The following DGKQ variants were observed in gnomAD, a reference collection of about 807,000 sequenced individuals.
DGKQ encodes diacylglycerol kinase theta.
DGKQ carries 97 observed loss-of-function variants against 104.2 expected under a neutral mutation model. The observed-to-expected ratio is 0.93, with a 90% CI of 0.79 to 1.10. DGKQ has a LOEUF of 1.10. DGKQ is among the 50% of genes least tolerant of loss of function. The probability of loss-of-function intolerance (pLI) is 0.00; values close to 1 mark genes in which losing one functional copy is unlikely to be tolerated. For missense variants in DGKQ, 1,465 were observed against 1,352.1 expected (o/e 1.08, Z -1.31); for synonymous variants, 736 against 595.2 (o/e 1.24, Z -3.44).
chr4:962,080 G>A lies in DGKQ; in HGVS notation c.2217C>T (p.Ile739=), dbSNP rs759345186. The A allele has an allele frequency of 2.0e-5, 33 of 1,610,762 alleles. No individual in the cohort carries two copies. Among genetic ancestry groups the A allele is most frequent in the South Asian group, 1.8e-4 (16 of 91,082 alleles). The change falls in exon 19 of 23, where the codon ATC becomes ATT. Residue 739 remains isoleucine (I), a splice_region_variant and synonymous_variant. Coordinates refer to ENST00000273814, the MANE Select transcript of DGKQ (RefSeq NM_001347.4). Reference sequence around the variant, plus strand: ...TGCCACAGTAGTTACTCATCTGCACGATCTGGGGACAGGGCGTTCATCTCC... The same window carrying A: ...TGCCACAGTAGTTACTCATCTGCACAATCTGGGGACAGGGCGTTCATCTCC... The part of the protein sequence containing the change: ...NDTADAEPPK[I]VQMSNYCGIG...
At chr4:960,811 G>A (rs1711831499) in intron 22 of DGKQ, 90 bp from the exon 23 acceptor site, 1 of 1,540,582 alleles carries the variant, frequency 6.5e-7, no homozygotes, top group Non-Finnish European at 8.8e-7. Context: ...GCCCCGGGCA[G>A]CTGATGCCAT....
At chr4:965,087 T>C (rs925090460) in intron 15 of DGKQ, 89 bp downstream of exon 15, 7 of 973,182 alleles carry the variant, frequency 7.2e-6, no homozygotes, top group Non-Finnish European at 1.1e-5. Context: ...ACAGCGAGTC[T>C]GGCTGTGGGG....
In DGKQ at chr4:966,790, CG is replaced by C. The variant is rs1560515798; in HGVS notation, c.1323del (p.Glu442ArgfsTer20). Reference sequence around the variant, plus strand: ...GCCACCTCCACCAGCTGGAAGCTCTCGGGACTCTCGGCCTGTTGGGGTAGAG... The same window carrying C: ...GCCACCTCCACCAGCTGGAAGCTCTCGGACTCTCGGCCTGTTGGGGTAGAG... ...LPLLGRQAES[P>X]ESFQLVEVAM... On this transcript the variant is annotated frameshift_variant, in exon 11 of 23. Transcript: ENST00000273814. LOFTEE classifies it high-confidence loss of function. 1 of 1,609,806 alleles carries C rather than the reference CG, an allele frequency of 6.2e-7. No individual in the cohort carries two copies. The highest frequency in any genetic ancestry group is 1.7e-5 in the Admixed American group (1 of 59,718).
rs775536957 is a variant in DGKQ, at chr4:967,538, C to T, written c.987+11G>A. On this transcript the variant is annotated intron_variant, in intron 8 of 22. Transcript: ENST00000273814. ...GGAGGGGGCTCAGACCTCCCCCAGC[C>T]TCCCCCTTACCAGCACCTCCTCGGC... 6.8e-6 allele frequency: 11 copies of T among 1,611,200 alleles called. No individual in the cohort carries two copies. In the African/African-American group the frequency reaches 9.4e-5, roughly 14 times the overall value.
Position 961,880 on chromosome 4 carries a change from C to T in DGKQ, c.2316-46G>A, listed in dbSNP as rs918219786. The T allele has an allele frequency of 5.6e-6, 9 of 1,596,722 alleles. No individual in the cohort carries two copies. In the Admixed American group the frequency reaches 6.8e-5, roughly 12 times the overall value. ...CCCATCACCAGGGGAAGCCCTACCC[C>T]GCCTTAGGCAGCCTCCGGGTTCCGG... On this transcript the variant is annotated intron_variant, in intron 19 of 22. Coordinates refer to ENST00000273814, the MANE Select transcript of DGKQ (RefSeq NM_001347.4).
Position 965,962 on chromosome 4 carries a change from G to A in DGKQ, c.1545C>T (p.Tyr515=), listed in dbSNP as rs762648056. 6.0e-5 allele frequency: 96 copies of A among 1,605,080 alleles called. 2 individuals are homozygous for A. The South Asian group carries it at 1.0e-3, about 17-fold the overall frequency. The change falls in exon 13 of 23, where the codon TAC becomes TAT. Residue 515 remains tyrosine, a synonymous_variant. Transcript: ENST00000273814. ...CCCCGGCCTCATGCAGCAGGCTGCT[G>A]TACTCCTCGGGAGACAGGCCGGGAG... ...GLPPGLSPEE[Y]SSLLHEAGAT...
intron 21 of DGKQ, 96 bp downstream of exon 21, chr4:961,371 C>G (rs1316272852): frequency 7.2e-7 from 1 of 1,397,980 alleles, no homozygotes. Context: ...GACGCCCACC[C>G]TGGACCTGGC....
At chr4:969,563 G>A (rs1712758155) in intron 2 of DGKQ, among the ~76,000 whole-genome samples, 1 of 152,000 alleles carries the variant, frequency 6.6e-6, no homozygotes, top group East Asian at 1.9e-4. Context: ...AATAGCAGCT[G>A]TGAGCATGCC....
rs372023869 is a variant in DGKQ at position 962,925 on chromosome 4, C to G, written c.1887-5G>C. The G allele has an allele frequency of 6.2e-7, 1 of 1,605,242 alleles. No individual in the cohort carries two copies. Among genetic ancestry groups the G allele is most frequent in the Non-Finnish European group, 8.5e-7 (1 of 1,176,740 alleles). ...ACCTGGGAGAACAGGTGGAGCCTAG[C>G]GGGAGACAGGAAGTGTCCTCTACCA... On this transcript the variant is annotated splice_region_variant and splice_polypyrimidine_tract_variant and intron_variant, in intron 16 of 22. Transcript: ENST00000273814.
Position 966,481 on chromosome 4 carries a change from T to A in DGKQ, c.1413A>T (p.Leu471=), listed in dbSNP as rs1439863174. ...ACCCACTCACCTGCCGGATGTCCTG[T>A]AGCCGGTCCAGCAGGGGCTGTTCGT... ...LMDEQPLLDR[L]QDIRQMSVRQ... is the part of the protein sequence containing the mutation. The change falls in exon 12 of 23, where the codon CTA becomes CTT. Residue 471 remains leucine, a synonymous_variant. Coordinates refer to ENST00000273814, the MANE Select transcript of DGKQ (RefSeq NM_001347.4). The A allele has an allele frequency of 6.2e-7, 1 of 1,612,548 alleles. No individual in the cohort carries two copies. The highest frequency in any genetic ancestry group is 1.1e-5 in the South Asian group (1 of 91,088).
At chr4:967,084 C>T (rs1712426791) in intron 9 of DGKQ, 30 bp from the exon 10 acceptor site, 1 of 1,544,060 alleles carries the variant, frequency 6.5e-7, no homozygotes, top group Non-Finnish European at 8.8e-7. Context: ...GCTGGAGCTC[C>T]CCCCACCCCG....
In DGKQ at chr4:966,753, C is replaced by A; in HGVS notation, c.1361G>T (p.Arg454Met). The A allele has an allele frequency of 6.2e-7, 1 of 1,608,326 alleles. No individual in the cohort carries two copies. Among genetic ancestry groups the A allele is most frequent in the East Asian group, 2.2e-5 (1 of 44,692 alleles). ...FQLVEVAMGC[R>M]HVQRTMLMDE... Reference sequence around the variant, plus strand: ...AGCACGGGCTGTCTACTCACCGTGCCTGCAGCCCATCGCCACCTCCACCAG... The same window carrying A: ...AGCACGGGCTGTCTACTCACCGTGCATGCAGCCCATCGCCACCTCCACCAG... Residue 454 changes from arginine (R) to methionine (M), a missense_variant, in exon 11 of 23, where the codon AGG (arginine) becomes ATG (methionine). Coordinates refer to ENST00000273814, the MANE Select transcript of DGKQ (RefSeq NM_001347.4).
Position 962,589 on chromosome 4 carries a change from C to A in DGKQ, c.2060G>T (p.Arg687Leu). The A allele has an allele frequency of 1.9e-6, 3 of 1,608,818 alleles. No homozygotes were observed. The highest frequency in any genetic ancestry group is 2.5e-6 in the Non-Finnish European group (3 of 1,179,842). The stretch of plus-strand genomic sequence containing the variant: ...CTCGCCGCTGTAGCCCGCCCCCCAG[C>A]GGAGGACTCGACCAAGGTCATTCCC... The part of the protein sequence containing the change: ...GTGNDLGRVL[R>L]WGAGYSGEDP... The change falls in exon 18 of 23, where the codon CGC (arginine) becomes CTC (leucine). Residue 687 changes from arginine (R) to leucine (L), a missense_variant. Arg to Leu is a moderately radical substitution (Grantham distance 102, BLOSUM62 -2). Coordinates refer to ENST00000273814, the MANE Select transcript of DGKQ (RefSeq NM_001347.4).
At position 964,045 on chromosome 4, in the gene DGKQ, G is replaced by A. The variant is rs570135082; in HGVS notation, c.1735-755C>T. On this transcript the variant is annotated intron_variant, in intron 15 of 22. Coordinates refer to ENST00000273814, the MANE Select transcript of DGKQ (RefSeq NM_001347.4). ...TCGGGGCTTCGTGACCCACTTGGCA[G>A]GCAGAGCCGCCTGCGGTCACCACTT... 11 of 154,760 alleles carry A rather than the reference G, an allele frequency of 7.1e-5. No homozygotes were observed. In the South Asian group the frequency reaches 2.0e-3, roughly 28 times the overall value. 9.6% of individuals were successfully genotyped at this position (154,760 alleles called of 1,614,324 possible). A position where few individuals can be genotyped will look rare whatever the true frequency, so the allele number is the denominator to read the frequency against.
At chr4:966,365 G>C in intron 12 of DGKQ, 101 bp downstream of exon 12, 1 of 1,340,180 alleles carries the variant, frequency 7.5e-7, no homozygotes, top group African/African-American at 1.4e-5. Context: ...CCGCTGCCTA[G>C]CCAAGGAGAA....
In DGKQ at chr4:966,035, T is replaced by C. The variant is rs754144047; in HGVS notation, c.1472A>G (p.Glu491Gly). The change falls in exon 13 of 23, where the codon GAG (glutamate) becomes GGG (glycine). Residue 491 changes from glutamate to glycine, a missense_variant. Transcript: ENST00000273814. ...QVSQTRFYVAESRDVAPHVSL... is the reference protein window; with the variant it reads ...QVSQTRFYVAGSRDVAPHVSL... ...GACGTGCGGGGCTACATCCCTGCTC[T>C]CTGCCACGTAGAACCGCGTCTGGCT... The C allele has an allele frequency of 5.0e-5, 80 of 1,604,480 alleles. No individual in the cohort carries two copies. The highest frequency in any genetic ancestry group is 6.8e-5 in the Non-Finnish European group (80 of 1,176,720).
chr4:973,538 C>A lies in DGKQ; in HGVS notation c.-56G>T. 3 of 985,218 alleles carry A rather than the reference C, an allele frequency of 3.0e-6. No homozygotes were observed. The highest frequency in any genetic ancestry group is 3.6e-6 in the Non-Finnish European group (3 of 829,676). 61.0% of individuals were successfully genotyped at this position (985,218 alleles called of 1,614,324 possible). A position where few individuals can be genotyped will look rare whatever the true frequency, so the allele number is the denominator to read the frequency against. ...GTCCGCGCCGGGGGTACAGGAGCCG[C>A]CGCTCCACGGCCCGGTACACTGCTT... On this transcript the variant is annotated 5_prime_UTR_variant, in exon 1 of 23. Transcript: ENST00000273814.
chr4:968,159 G>T, intron 5 of DGKQ, 123 bp downstream of exon 5: 1 of 368,842 alleles, frequency 2.7e-6, no homozygotes. Context: ...GCCCGCCCCC[G>T]AGCACCCACC....
intron 15 of DGKQ, among the ~76,000 whole-genome samples, chr4:964,468 G>A (rs1216850717): frequency 1.3e-5 from 2 of 151,712 alleles, no homozygotes; most frequent in East Asian, 2.0e-4. Flanking sequence ...CCAGGCTCCA[G>A]CCCCTCCATG....
Sources: gnomAD v4.1 joint callset for allele counts (sites outside exome capture counted in the v4.1 genomes callset) on GRCh38, gnomAD v4.1.1 for gene constraint, MANE v1.5 for transcripts, NCBI Gene and HGNC (gene_info 2026-07-23, HGNC 2026-07-21) for gene names.